Variants in NAV3 observed in about 807,000 individuals in gnomAD.
NAV3 encodes the protein pore membrane and/or filament interacting like protein 1.
In NAV3, 87 loss-of-function variants were observed where a neutral mutation model predicts 244.7. The observed-to-expected ratio is 0.36, with a 90% CI of 0.30 to 0.42. The LOEUF (loss-of-function observed/expected upper bound fraction) is 0.42. Among genes scored for constraint, NAV3 ranks in the 20% least tolerant of loss-of-function variants. The pLI, the probability that NAV3 is intolerant of heterozygous loss-of-function variation, is 1.00. For missense variants in NAV3, 2,663 were observed against 2,893.3 expected, an observed-to-expected ratio of 0.92 and a Z score of 1.83; for synonymous variants, 1,126 against 1,042.2, an observed-to-expected ratio of 1.08 and a Z score of -1.55.
chr12:78,038,996 G>T (rs570646442), intron 9 of NAV3, among the ~76,000 whole-genome samples: 2 of 152,154 alleles, frequency 1.3e-5, no homozygotes, highest in African/African-American at 2.4e-5. Flanking sequence ...AAAGAAGCCG[G>T]TATGCCTTGG....
chr12:77,786,743 C>T (rs765213748), intron 2 of NAV3, among the ~76,000 whole-genome samples: 2 of 152,076 alleles, frequency 1.3e-5, no homozygotes, highest in African/African-American at 2.4e-5. Flanking sequence ...CTCCTATATC[C>T]AGGTAGTCAC....
At chr12:77,826,666 C>A (rs527406025), upstream of NAV3, among the ~76,000 whole-genome samples, 1 of 152,096 alleles carries the variant, frequency 6.6e-6, no homozygotes, top group Non-Finnish European at 1.5e-5. Flanking sequence ...AAGCATTATG[C>A]TAAGTGAAAA....
chr12:77,978,350 A>G (rs1340528818), intron 5 of NAV3, among the ~76,000 whole-genome samples: 2 of 152,170 alleles, frequency 1.3e-5, no homozygotes, highest in African/African-American at 4.8e-5. Context: ...AAATTTTATA[A>G]CAGGACATTT....
chr12:77,995,518 C>T (rs1008645187), intron 6 of NAV3, among the ~76,000 whole-genome samples: 3 of 152,150 alleles, frequency 2.0e-5, no homozygotes, highest in African/African-American at 7.2e-5. Context: ...AATAAAACCA[C>T]AGCAAAAGAG....
intron 2 of NAV3, among the ~76,000 whole-genome samples, chr12:77,692,884 C>T (rs1032123801): frequency 6.6e-6 from 1 of 152,038 alleles, no homozygotes; most frequent in African/African-American, 2.4e-5. Flanking sequence ...TAATATAATA[C>T]TAGAAACATA....
chr12:77,592,065 A>C (rs967200676), intron 2 of NAV3, among the ~76,000 whole-genome samples: 1 of 152,048 alleles, frequency 6.6e-6, no homozygotes, highest in Non-Finnish European at 1.5e-5. Context: ...CTTCGTTCGC[A>C]CAGTGTCTGA....
At chr12:78,102,353 AG>A (rs1566133795) in intron 12 of NAV3, among the ~76,000 whole-genome samples, 1 of 152,244 alleles carries the variant, frequency 6.6e-6, no homozygotes, top group Non-Finnish European at 1.5e-5. Context: ...TCTCACATCC[AG>A]GACATGCTGA....
intron 12 of NAV3, among the ~76,000 whole-genome samples, chr12:78,071,192 C>T (rs1368904650): frequency 5.9e-5 from 9 of 152,282 alleles, no homozygotes; most frequent in African/African-American, 2.2e-4. Context: ...GTTCCTATTT[C>T]TCCACATCAT....
chr12:77,582,622 G>A (rs529545553), intron 2 of NAV3, among the ~76,000 whole-genome samples: 248 of 152,312 alleles, frequency 1.6e-3, no homozygotes, highest in African/African-American at 5.7e-3. Flanking sequence ...AGTCCACACA[G>A]GTAGGGCCAT....
At chr12:77,590,302 A>G (rs559365376) in intron 2 of NAV3, among the ~76,000 whole-genome samples, 3 of 152,304 alleles carry the variant, frequency 2.0e-5, no homozygotes, top group Admixed American at 6.5e-5. Context: ...GGCTTCAACA[A>G]AAGTCCGATA....
At chr12:78,199,916 T>C (rs1959460977) in intron 37 of NAV3, among the ~76,000 whole-genome samples, 1 of 152,126 alleles carries the variant, frequency 6.6e-6, no homozygotes, top group African/African-American at 2.4e-5. Context: ...AAACGCTTTG[T>C]AGATAATTTA....
At chr12:77,751,994 T>G (rs928844615) in intron 2 of NAV3, among the ~76,000 whole-genome samples, 18 of 152,300 alleles carry the variant, frequency 1.2e-4, no homozygotes, top group Admixed American at 1.0e-3. Context: ...AATATAAAAT[T>G]GGTGACTCAT....
chr12:77,973,467 T>C (rs7980961), intron 5 of NAV3, among the ~76,000 whole-genome samples: 24,069 of 152,122 alleles, frequency 0.16, 2,004 homozygotes, highest in Admixed American at 0.17. Flanking sequence ...ATGTGTCCAC[T>C]TTCAAAGATG....
At chr12:77,861,842 A>C (rs2136341746) in intron 1 of NAV3, among the ~76,000 whole-genome samples, 1 of 151,996 alleles carries the variant, frequency 6.6e-6, no homozygotes, top group South Asian at 2.1e-4. Flanking sequence ...GTAAAAATTA[A>C]GCTTTCTTTT....
At chr12:77,633,473 G>A (rs1414053311) in intron 2 of NAV3, among the ~76,000 whole-genome samples, 3 of 151,970 alleles carry the variant, frequency 2.0e-5, no homozygotes, top group African/African-American at 4.8e-5. Context: ...CCCTTAAAAT[G>A]AACATTCCAA....
At chr12:77,746,319 C>T (rs1868540221) in intron 2 of NAV3, among the ~76,000 whole-genome samples, 2 of 152,050 alleles carry the variant, frequency 1.3e-5, no homozygotes, top group African/African-American at 4.8e-5. Context: ...ATGAAAACCA[C>T]AAGTGGTTGC....
intron 38 of NAV3, among the ~76,000 whole-genome samples, chr12:78,203,574 C>A (rs1487774428): frequency 6.6e-6 from 1 of 152,082 alleles, no homozygotes; most frequent in Non-Finnish European, 1.5e-5. Context: ...AAAGAAAACT[C>A]CAAGGCAGTC....
intron 2 of NAV3, among the ~76,000 whole-genome samples, chr12:77,808,191 C>G (rs1872085005): frequency 6.6e-6 from 1 of 152,134 alleles, no homozygotes; most frequent in Admixed American, 6.5e-5. Flanking sequence ...TCATCAAACT[C>G]ATTCTCTGTC....
chr12:77,606,658 G>A lies in NAV3; in HGVS notation c.72+34392G>A, dbSNP rs935107742. ...GGTAGAGGAAAACCCCATGAGAAAT[G>A]TCTTCAACAATAAAAGAATTTGATG... On this transcript the variant is annotated intron_variant, in intron 2 of 8. Coordinates refer to the NAV3 transcript ENST00000550042. Among the ~76,000 whole-genome samples, 5 of 152,182 alleles carry A rather than the reference G, an allele frequency of 3.3e-5. No homozygotes were observed. In the South Asian group the frequency reaches 1.0e-3, roughly 32 times the overall value.
Sources: gnomAD v4.1 joint callset for allele counts (sites outside exome capture counted in the v4.1 genomes callset) on GRCh38, gnomAD v4.1.1 for gene constraint, MANE v1.5 for transcripts, NCBI Gene and HGNC (gene_info 2026-07-23, HGNC 2026-07-21) for gene names.